ADAMTS20: variants seen among roughly 807,000 people sequenced by gnomAD.
ADAMTS20 encodes the protein A disintegrin and metalloproteinase with thrombospondin motifs 20.
Under a neutral mutation model 260.1 loss-of-function variants are expected in ADAMTS20, and 225 were observed. The ratio of observed to expected loss-of-function variants is 0.87; its 90% CI spans 0.78 to 0.97. ADAMTS20 has a LOEUF of 0.97. Ranked by LOEUF, ADAMTS20 falls within the 50% of genes least tolerant of loss-of-function variation. The pLI, the probability that ADAMTS20 is intolerant of heterozygous loss-of-function variation, is 0.00. For synonymous variants in ADAMTS20, 802 were observed against 769.5 expected (o/e 1.04, Z -0.70); for missense variants, 2,400 against 2,337.7 (o/e 1.03, Z -0.55).
chr12:43,507,268 G>A (rs1321002156), intron 3 of ADAMTS20, among the ~76,000 whole-genome samples: 2 of 152,166 alleles, frequency 1.3e-5, no homozygotes, highest in East Asian at 1.9e-4. Flanking sequence ...TGGGGTGGGG[G>A]AAGTGATAAT....
chr12:43,436,995 G>A (rs1387000715), intron 18 of ADAMTS20, among the ~76,000 whole-genome samples: 1 of 152,062 alleles, frequency 6.6e-6, no homozygotes, highest in Non-Finnish European at 1.5e-5. Flanking sequence ...ACCCACAGAG[G>A]GCTTTCAATC....
chr12:43,440,329 A>G (rs749686219), intron 16 of ADAMTS20, among the ~76,000 whole-genome samples: 1 of 151,986 alleles, frequency 6.6e-6, no homozygotes, highest in Non-Finnish European at 1.5e-5. Context: ...TTGTATTTTT[A>G]GTAGAGACGG....
chr12:43,415,191 T>G (rs1941105889), intron 28 of ADAMTS20, among the ~76,000 whole-genome samples: 1 of 152,154 alleles, frequency 6.6e-6, no homozygotes, highest in Non-Finnish European at 1.5e-5. Flanking sequence ...AAGGGTTACC[T>G]TTTGGGAAGA....
chr12:43,367,365 C>T (rs1940010638), intron 37 of ADAMTS20, among the ~76,000 whole-genome samples: 1 of 151,968 alleles, frequency 6.6e-6, no homozygotes, highest in South Asian at 2.1e-4. Context: ...GGATTTATCA[C>T]AGGAACGCAA....
At chr12:43,439,869 G>A (rs550473791) in intron 17 of ADAMTS20, 28 bp downstream of exon 17, 1 of 1,588,206 alleles carries the variant, frequency 6.3e-7, no homozygotes, top group African/African-American at 1.4e-5. Flanking sequence ...TTAAATCCAA[G>A]TGTTATTACT....
intron 29 of ADAMTS20, among the ~76,000 whole-genome samples, chr12:43,396,270 T>C (rs1460978196): frequency 1.3e-5 from 2 of 152,138 alleles, no homozygotes; most frequent in Non-Finnish European, 2.9e-5. Context: ...AGCACCTCTG[T>C]GGTCAAAATT....
chr12:43,388,320 T>C (rs1940526442), intron 29 of ADAMTS20, among the ~76,000 whole-genome samples: 1 of 152,118 alleles, frequency 6.6e-6, no homozygotes, highest in Non-Finnish European at 1.5e-5. Context: ...TGAGGCAACA[T>C]CCCGTCCTGC....
chr12:43,423,962 G>A (rs144429698), intron 28 of ADAMTS20: 2 of 694,572 alleles, frequency 2.9e-6, no homozygotes, highest in East Asian at 5.4e-5. Flanking sequence ...AATATCATCA[G>A]TCACACTTTG....
intron 2 of ADAMTS20, among the ~76,000 whole-genome samples, chr12:43,550,462 G>T (rs1375978166): frequency 6.6e-6 from 1 of 152,176 alleles, no homozygotes; most frequent in Non-Finnish European, 1.5e-5. Context: ...GCCAGTGGGA[G>T]CCATTTCATT....
chr12:43,515,489 C>G (rs557349251), intron 3 of ADAMTS20, among the ~76,000 whole-genome samples: 2 of 152,246 alleles, frequency 1.3e-5, no homozygotes, highest in African/African-American at 2.4e-5. Flanking sequence ...TCTACATTTA[C>G]TCCTCCTGGC....
At chr12:43,464,311 T>G (rs1371328967) in intron 10 of ADAMTS20, among the ~76,000 whole-genome samples, 17 of 152,128 alleles carry the variant, frequency 1.1e-4, no homozygotes, top group Non-Finnish European at 2.5e-4. Flanking sequence ...TCAATGATTT[T>G]ATTTTCAAAT....
intron 7 of ADAMTS20, among the ~76,000 whole-genome samples, chr12:43,483,678 C>T (rs1942475447): frequency 6.6e-6 from 1 of 152,122 alleles, no homozygotes; most frequent in Non-Finnish European, 1.5e-5. Flanking sequence ...TGGTGGATCG[C>T]TTTCCTGCTG....
At chr12:43,450,527 A>C (rs897320506) in intron 14 of ADAMTS20, among the ~76,000 whole-genome samples, 1 of 152,120 alleles carries the variant, frequency 6.6e-6, no homozygotes, top group Non-Finnish European at 1.5e-5. Flanking sequence ...CCACTGAATA[A>C]CCTTTTCAGT....
At chr12:43,517,960 A>T (rs891442010) in intron 3 of ADAMTS20, among the ~76,000 whole-genome samples, 8 of 152,108 alleles carry the variant, frequency 5.3e-5, no homozygotes, top group Admixed American at 2.0e-4. Context: ...GGTTTTACTA[A>T]CATTGCTATT....
rs565020117 is a variant in ADAMTS20, at chr12:43,551,777, AC to A, written c.91+53del. On this transcript the variant is annotated intron_variant, in intron 1 of 38. Transcript: ENST00000389420. The surrounding 1 kb of genome is among the most constrained non-coding windows in gnomAD (Gnocchi z 4.6). The stretch of plus-strand genomic sequence containing the variant: ...CTCGTCCCCGCGACCTGCATGTCCC[AC>A]TCGGGCCCCGCGCCCCCACTTAGCC... The A allele has an allele frequency of 7.0e-5, 110 of 1,573,614 alleles. No individual in the cohort carries two copies. In the African/African-American group the frequency reaches 1.4e-3, roughly 19 times the overall value.
chr12:43,493,272 T>A lies in ADAMTS20; in HGVS notation c.868-19A>T. On this transcript the variant is annotated intron_variant, in intron 4 of 38. Coordinates refer to ENST00000389420, the MANE Select transcript of ADAMTS20 (RefSeq NM_025003.5). ...TTGCAACCTGCATGTAAAAAAAATG[T>A]AGGATTAGTTGTTTAAAATGAATAT... The A allele has an allele frequency of 6.7e-7, 1 of 1,482,920 alleles. No individual in the cohort carries two copies. Among genetic ancestry groups the A allele is most frequent in the Non-Finnish European group, 9.2e-7 (1 of 1,092,332 alleles). 91.9% of individuals were successfully genotyped at this position (1,482,920 alleles called of 1,614,324 possible). A position where few individuals can be genotyped will look rare whatever the true frequency, so the allele number is the denominator to read the frequency against.
chr12:43,434,245 CT>C lies in ADAMTS20; in HGVS notation c.2719del (p.Arg907GlyfsTer26). ...ATATTACATATTATTTCTCTTTTACCTTAGTTCACAGTCTGTATTGCAACTT... is the reference window on the plus strand; with the variant it reads ...ATATTACATATTATTTCTCTTTTACCTAGTTCACAGTCTGTATTGCAACTT... ...TQSCNTDCEL[R>X]WHVIGKSECS... On this transcript the variant is annotated frameshift_variant and splice_region_variant, in exon 19 of 39. Coordinates refer to ENST00000389420, the MANE Select transcript of ADAMTS20 (RefSeq NM_025003.5). LOFTEE classifies it high-confidence loss of function. 1 of 1,573,670 alleles carries C rather than the reference CT, an allele frequency of 6.4e-7. No individual in the cohort carries two copies. Among genetic ancestry groups the C allele is most frequent in the Non-Finnish European group, 8.6e-7 (1 of 1,157,846 alleles).
At position 43,448,993 on chromosome 12, in the gene ADAMTS20, C is replaced by T. The variant is rs147268369; in HGVS notation, c.2080-2281G>A. On this transcript the variant is annotated intron_variant, in intron 14 of 38. Coordinates refer to ENST00000389420, the MANE Select transcript of ADAMTS20 (RefSeq NM_025003.5). ...TTAAAAAGTCAAAAAATAAAAGATG[C>T]TGGAAAGATTGCAGAAAAGAGAACG... 1.1e-3 allele frequency among the ~76,000 whole-genome samples: 170 copies of T among 152,144 alleles called. 3 individuals are homozygous for T. Among genetic ancestry groups the T allele is most frequent in the African/African-American group, 3.9e-3 (160 of 41,528 alleles).
intron 14 of ADAMTS20, 90 bp from the exon 15 acceptor site, chr12:43,446,802 A>G: frequency 9.4e-7 from 1 of 1,065,930 alleles, no homozygotes; most frequent in South Asian, 1.4e-5. Context: ...AGATATGACA[A>G]AGGGGATTTA....
Sources: allele counts gnomAD v4.1 joint callset (sites outside exome capture counted in the v4.1 genomes callset), GRCh38; gene constraint gnomAD v4.1.1; non-coding constraint Gnocchi (gnomAD v3.1); transcripts MANE v1.5; gene names NCBI Gene and HGNC (gene_info 2026-07-23, HGNC 2026-07-21).